The following CMC2 variants were observed in gnomAD, a reference collection of about 807,000 sequenced individuals.
CMC2 encodes the protein C-X9-C motif containing 2.
In CMC2, 5 loss-of-function variants were observed where a neutral mutation model predicts 7.5. The ratio of observed to expected loss-of-function variants is 0.66; its 90% CI spans 0.35 to 1.40. The LOEUF (loss-of-function observed/expected upper bound fraction) is 1.40, where lower values mean the gene tolerates loss of function less well. Ranked by LOEUF, CMC2 falls within the 40% of genes most tolerant of loss-of-function variation. The probability of loss-of-function intolerance (pLI) is 0.04; values close to 1 mark genes in which losing one functional copy is unlikely to be tolerated. For synonymous variants in CMC2, 37 were observed against 31.4 expected (o/e 1.18, Z -0.60); for missense variants, 115 against 92.3 (o/e 1.25, Z -1.01).
intron 1 of CMC2, among the ~76,000 whole-genome samples, chr16:81,005,823 G>A (rs1338425201): frequency 6.6e-6 from 1 of 152,226 alleles, no homozygotes; most frequent in Non-Finnish European, 1.5e-5. Flanking sequence ...GAATTTCAGA[G>A]GAAAATACTC....
intron 2 of CMC2, among the ~76,000 whole-genome samples, chr16:80,995,261 A>G (rs1317872497): frequency 1.8e-5 from 2 of 110,498 alleles, no homozygotes; most frequent in Non-Finnish European, 4.8e-5. Context: ...TGGCATATCC[A>G]TACAATGAAC....
rs577862370 is a variant in CMC2, at chr16:80,968,147, T to C, written c.*7946A>G. Reference sequence around the variant, plus strand: ...TAAGTCAATGCTTCTCCAATTTTTATATGCATGCAAATCATCTGGGGATTT... The same window carrying C: ...TAAGTCAATGCTTCTCCAATTTTTACATGCATGCAAATCATCTGGGGATTT... On this transcript the variant is annotated 3_prime_UTR_variant, in exon 4 of 4. Coordinates refer to ENST00000219400, the MANE Select transcript of CMC2 (RefSeq NM_020188.5). 6.6e-6 allele frequency: 1 copy of C among 152,350 alleles called. No individual in the cohort carries two copies. Among genetic ancestry groups the C allele is most frequent in the Non-Finnish European group, 1.5e-5 (1 of 68,028 alleles). 9.4% of individuals were successfully genotyped at this position (152,350 alleles called of 1,614,324 possible).
chr16:81,003,590 T>C lies in CMC2; in HGVS notation c.-36+3144A>G, dbSNP rs114560260. On this transcript the variant is annotated intron_variant, in intron 1 of 3. Coordinates refer to ENST00000219400, the MANE Select transcript of CMC2 (RefSeq NM_020188.5). ...ATCTCTAACCATGACAGATTTTTAA[T>C]CCATGTTCAAAATAGGAAAGACAGG... Among the ~76,000 whole-genome samples, 822 of 152,292 alleles carry C rather than the reference T, an allele frequency of 5.4e-3. 7 individuals carry two copies. The highest frequency in any genetic ancestry group is 0.019 in the African/African-American group (782 of 41,558).
Position 80,974,641 on chromosome 16 carries a change from G to T in CMC2, c.*1452C>A, listed in dbSNP as rs16944347. The T allele has an allele frequency of 0.21, 32,669 of 152,118 alleles. 3,760 individuals carry two copies. Among genetic ancestry groups the T allele is most frequent in the African/African-American group, 0.3 (12,433 of 41,498 alleles). The allele number at this position is 152,118 out of a possible 1,614,324, so 9.4% of individuals were successfully genotyped here. ...CTCCTTCTTCATGAAGACTGAACAT[G>T]AAAGTCCTCTGTCTTCTATGACATC... On this transcript the variant is annotated 3_prime_UTR_variant, in exon 4 of 4. Coordinates refer to ENST00000219400, the MANE Select transcript of CMC2 (RefSeq NM_020188.5).
chr16:80,993,599 G>A (rs1968180904), intron 2 of CMC2, among the ~76,000 whole-genome samples: 1 of 152,130 alleles, frequency 6.6e-6, no homozygotes, highest in African/African-American at 2.4e-5. Context: ...CACAGGGCTG[G>A]GAGTCAATGG....
intron 2 of CMC2, chr16:80,982,471 T>C (rs1967195689): frequency 7.9e-6 from 1 of 126,380 alleles, no homozygotes; most frequent in South Asian, 2.4e-4. Context: ...ATCGCGCCCC[T>C]GCACTACTCC....
At chr16:80,986,549 A>C (rs1168283159) in intron 2 of CMC2, among the ~76,000 whole-genome samples, 1 of 152,240 alleles carries the variant, frequency 6.6e-6, no homozygotes, top group African/African-American at 2.4e-5. Context: ...AAAAGAAAAC[A>C]AAACCGCCAG....
intron 2 of CMC2, among the ~76,000 whole-genome samples, chr16:80,985,897 C>T (rs1258418950): frequency 8.2e-5 from 1 of 12,160 alleles, no homozygotes; most frequent in Non-Finnish European, 3.3e-4. Context: ...CTCCCATATA[C>T]CTGCAAAAAA....
chr16:81,005,835 T>C (rs1421706802), intron 1 of CMC2, among the ~76,000 whole-genome samples: 1 of 152,220 alleles, frequency 6.6e-6, no homozygotes, highest in African/African-American at 2.4e-5. Flanking sequence ...AAAATACTCG[T>C]TCACACATCT....
intron 3 of CMC2, among the ~76,000 whole-genome samples, chr16:80,981,269 T>C (rs370016711): frequency 1.3e-5 from 2 of 152,224 alleles, no homozygotes; most frequent in African/African-American, 2.4e-5. Context: ...CAATGAACTG[T>C]GTACTGTGGC....
At position 80,993,545 on chromosome 16, in the gene CMC2, G is replaced by A. The variant is rs541847494; in HGVS notation, c.81+3769C>T. Reference sequence around the variant, plus strand: ...ACTTTCACAATGCCATAGTCACTACGAAGAACAATTACAGCAGCTACAAGC... The same window carrying A: ...ACTTTCACAATGCCATAGTCACTACAAAGAACAATTACAGCAGCTACAAGC... On this transcript the variant is annotated intron_variant, in intron 2 of 3. Coordinates refer to ENST00000219400, the MANE Select transcript of CMC2 (RefSeq NM_020188.5). Among the ~76,000 whole-genome samples, 4 of 152,266 alleles carry A rather than the reference G, an allele frequency of 2.6e-5. No individual in the cohort carries two copies. The South Asian group carries it at 6.2e-4, about 24-fold the overall frequency.
chr16:80,984,741 A>C lies in CMC2; in HGVS notation c.82-2864T>G, dbSNP rs186513375. 1.0e-3 allele frequency among the ~76,000 whole-genome samples: 159 copies of C among 152,320 alleles called. 1 individual carries two copies. The highest frequency in any genetic ancestry group is 1.6e-3 in the Admixed American group (24 of 15,288). Reference sequence around the variant, plus strand: ...TGTGAGGCAATATTACATAGTTGACATTTATTCATATCATTCCACATATGT... The same window carrying C: ...TGTGAGGCAATATTACATAGTTGACCTTTATTCATATCATTCCACATATGT... On this transcript the variant is annotated intron_variant, in intron 2 of 3. Coordinates refer to ENST00000219400, the MANE Select transcript of CMC2 (RefSeq NM_020188.5).
intron 3 of CMC2, among the ~76,000 whole-genome samples, chr16:80,976,894 A>C (rs1234657420): frequency 1.3e-5 from 2 of 152,124 alleles, no homozygotes; most frequent in Non-Finnish European, 2.9e-5. Flanking sequence ...ATCTTTTAAT[A>C]TCTAACCTAT....
At chr16:80,993,908 G>C (rs951692220) in intron 2 of CMC2, among the ~76,000 whole-genome samples, 3 of 152,156 alleles carry the variant, frequency 2.0e-5, no homozygotes, top group African/African-American at 7.2e-5. Context: ...TTTGAAAAAA[G>C]AACAAAATTG....
intron 2 of CMC2, among the ~76,000 whole-genome samples, chr16:80,991,057 A>G (rs1045237389): frequency 3.1e-4 from 47 of 151,090 alleles, no homozygotes; most frequent in Admixed American, 2.7e-3. Flanking sequence ...CTGCACTGCC[A>G]ACTGAAAGAC....
At position 80,974,221 on chromosome 16, in the gene CMC2, C is replaced by G. The variant is rs998582552; in HGVS notation, c.*1872G>C. 1 of 152,274 alleles carries G rather than the reference C, an allele frequency of 6.6e-6. No homozygotes were observed. The highest frequency in any genetic ancestry group is 1.5e-5 in the Non-Finnish European group (1 of 68,094). The allele number at this position is 152,274 out of a possible 1,614,324, so 9.4% of individuals were successfully genotyped here. Reference sequence around the variant, plus strand: ...ACTCAATGCTTGAATCGTCACTCCTCCTAATCCCCAAAGCCACATCTTTCA... The same window carrying G: ...ACTCAATGCTTGAATCGTCACTCCTGCTAATCCCCAAAGCCACATCTTTCA... On this transcript the variant is annotated 3_prime_UTR_variant, in exon 4 of 4. Coordinates refer to ENST00000219400, the MANE Select transcript of CMC2 (RefSeq NM_020188.5).
intron 3 of CMC2, chr16:80,978,205 A>C (rs1912665992): frequency 1.1e-6 from 1 of 925,974 alleles, no homozygotes; most frequent in African/African-American, 1.8e-5. Context: ...TAGAACAAGG[A>C]AGGATACCTG....
In CMC2 at chr16:80,972,938, G is replaced by C. The variant is rs1291054350; in HGVS notation, c.*3155C>G. 1 of 152,452 alleles carries C rather than the reference G, an allele frequency of 6.6e-6. No individual in the cohort carries two copies. Among genetic ancestry groups the C allele is most frequent in the Non-Finnish European group, 1.5e-5 (1 of 68,188 alleles). 9.4% of individuals were successfully genotyped at this position (152,452 alleles called of 1,614,324 possible). ...AATGCCAGAAGCTTCATAAAGGCAA[G>C]AAGACATGGAACCTCTGCACCTCCC... On this transcript the variant is annotated 3_prime_UTR_variant, in exon 4 of 4. Coordinates refer to ENST00000219400, the MANE Select transcript of CMC2 (RefSeq NM_020188.5).
Position 80,997,309 on chromosome 16 carries a change from C to T in CMC2, c.81+5G>A. The T allele has an allele frequency of 8.0e-7, 1 of 1,254,226 alleles. No homozygotes were observed. The highest frequency in any genetic ancestry group is 1.1e-6 in the Non-Finnish European group (1 of 873,060). 77.7% of individuals were successfully genotyped at this position (1,254,226 alleles called of 1,614,324 possible). ...GGCTGTACAGTCGTTTTTCTGAACTCTTACATTTTTGTGACATTCCTTAAG... is the reference window on the plus strand; with the variant it reads ...GGCTGTACAGTCGTTTTTCTGAACTTTTACATTTTTGTGACATTCCTTAAG... On this transcript the variant is annotated splice_donor_5th_base_variant and intron_variant, in intron 2 of 3. Transcript: ENST00000219400.
Sources: allele counts gnomAD v4.1 joint callset (sites outside exome capture counted in the v4.1 genomes callset), GRCh38; gene constraint gnomAD v4.1.1; transcripts MANE v1.5; gene names NCBI Gene and HGNC (gene_info 2026-07-23, HGNC 2026-07-21).